The following NLRP8 variants were observed in gnomAD, a reference collection of about 807,000 sequenced individuals.
NLRP8 encodes the protein NLR family pyrin domain containing 8, also known as NACHT, LRR and PYD domains-containing protein 8.
In NLRP8, 86 loss-of-function variants were observed where a neutral mutation model predicts 88.7. The ratio of observed to expected loss-of-function variants is 0.97; its 90% CI spans 0.81 to 1.16. The LOEUF (loss-of-function observed/expected upper bound fraction) is 1.16. NLRP8 is among the 50% of genes most tolerant of loss of function. The pLI is 0.00. For missense variants in NLRP8, 1,342 were observed against 1,286.5 expected (o/e 1.04, Z -0.66); for synonymous variants, 504 against 494.6 (o/e 1.02, Z -0.25).
rs1261053280 is a variant in NLRP8, at chr19:55,947,985, C to T, written c.83C>T (p.Thr28Ile). 1.9e-6 allele frequency: 3 copies of T among 1,614,116 alleles called. No homozygotes were observed. Among genetic ancestry groups the T allele is most frequent in the African/African-American group, 1.3e-5 (1 of 75,008 alleles). Residue 28 changes from threonine to isoleucine, a missense_variant, in exon 1 of 10, where the codon ACA becomes ATA. Transcript: ENST00000291971. ...CACAGTTCTCATATTCCGCCCTGGA[C>T]ATTCTCTTGCTACCCCGGCTCCCCA...
At chr19:55,950,995 T>C (rs1046399577) in intron 1 of NLRP8, among the ~76,000 whole-genome samples, 3 of 152,096 alleles carry the variant, frequency 2.0e-5, no homozygotes, top group Non-Finnish European at 4.4e-5. Context: ...GAAGAATCGC[T>C]TGAACCCAGG....
rs1220476284 is a variant in NLRP8, at chr19:55,973,702, G to C, written c.2585G>C (p.Cys862Ser). 4.3e-6 allele frequency: 7 copies of C among 1,613,902 alleles called. No individual in the cohort carries two copies. Among genetic ancestry groups the C allele is most frequent in the East Asian group, 4.5e-5 (2 of 44,868 alleles). Residue 862 changes from cysteine (C) to serine (S), a missense_variant, in exon 7 of 10, where the codon TGT becomes TCT. Cys to Ser is a moderately radical substitution (Grantham distance 112). Transcript: ENST00000291971. ...CTTACTTGTGAAAGCCTTGCCTCCTGTCTCAGGCAGAGTAAGATGCTGACC... is the reference window on the plus strand; with the variant it reads ...CTTACTTGTGAAAGCCTTGCCTCCTCTCTCAGGCAGAGTAAGATGCTGACC...
At position 55,962,255 on chromosome 19, in the gene NLRP8, C is replaced by T. The variant is rs747215527; in HGVS notation, c.2213+18C>T. 4 of 1,606,348 alleles carry T rather than the reference C, an allele frequency of 2.5e-6. No homozygotes were observed. In the Admixed American group the frequency reaches 6.8e-5, roughly 27 times the overall value. On this transcript the variant is annotated intron_variant, in intron 4 of 9. Coordinates refer to ENST00000291971, the MANE Select transcript of NLRP8 (RefSeq NM_176811.2). ...AAGCTACTGTGAGTATAACACAAAT[C>T]CCACTGGAAGGAACTTTATGGAGAT...
rs1979641697 is a variant in NLRP8 at position 55,962,164 on chromosome 19, G to A, written c.2140G>A (p.Val714Ile). The A allele has an allele frequency of 1.2e-6, 2 of 1,614,084 alleles. No homozygotes were observed. Among genetic ancestry groups the A allele is most frequent in the Middle Eastern group, 1.6e-4 (1 of 6,084 alleles). ...GGAAGTCCTGACTATGACCAACAGT[G>A]TTTTGGGGCCTCCTTTTTTGAAGGC... is the stretch of plus-strand genomic sequence containing the variant. The change falls in exon 4 of 10, where the codon GTT (valine) becomes ATT (isoleucine). Residue 714 changes from valine to isoleucine, a missense_variant. By Grantham distance (29) the Val-to-Ile change is conservative. Transcript: ENST00000291971.
At chr19:55,962,433 G>A (rs61462346) in intron 4 of NLRP8, among the ~76,000 whole-genome samples, 196 bp downstream of exon 4, 1 of 152,194 alleles carries the variant, frequency 6.6e-6, no homozygotes, top group Non-Finnish European at 1.5e-5. Context: ...CTGACGGCTC[G>A]ATCTGTCTCT....
chr19:55,965,777 G>C (rs1483122213), intron 4 of NLRP8, among the ~76,000 whole-genome samples: 1 of 151,982 alleles, frequency 6.6e-6, no homozygotes, highest in African/African-American at 2.4e-5. Context: ...TCTACGTTAG[G>C]TATTTCTCCT....
In NLRP8 at chr19:55,979,432, C is replaced by T; in HGVS notation, c.2915C>T (p.Ala972Val). The stretch of plus-strand genomic sequence containing the variant: ...CTGTTCACCTCCATCTGCTGCCAGG[C>T]CATGGCTTCCATGCTCCGCAAAAAC... The change falls in exon 9 of 10, where the codon GCC becomes GTC. Residue 972 changes from alanine to valine, a missense_variant. Ala to Val is a moderately conservative substitution (Grantham distance 64, BLOSUM62 0). Coordinates refer to ENST00000291971, the MANE Select transcript of NLRP8 (RefSeq NM_176811.2). 1.2e-6 allele frequency: 2 copies of T among 1,614,116 alleles called. No individual in the cohort carries two copies. The highest frequency in any genetic ancestry group is 1.7e-6 in the Non-Finnish European group (2 of 1,180,028).
chr19:55,977,546 AATTAT>A (rs1600315595), intron 8 of NLRP8, among the ~76,000 whole-genome samples: 1 of 146,048 alleles, frequency 6.8e-6, no homozygotes, highest in East Asian at 2.0e-4. Context: ...AATATATATT[AATTAT>A]ATTAATATAT....
At position 55,975,675 on chromosome 19, in the gene NLRP8, C is replaced by T. The variant is rs190680401; in HGVS notation, c.2706-458C>T. ...ATTATGGTAGATAAAAGAAGCTAAACGCAAAAAGTCACATATTACATGATT... is the reference window on the plus strand; with the variant it reads ...ATTATGGTAGATAAAAGAAGCTAAATGCAAAAAGTCACATATTACATGATT... On this transcript the variant is annotated intron_variant, in intron 7 of 9. Coordinates refer to ENST00000291971, the MANE Select transcript of NLRP8 (RefSeq NM_176811.2). Among the ~76,000 whole-genome samples the T allele has an allele frequency of 2.1e-3, 322 of 152,138 alleles. 1 individual carries two copies. The highest frequency in any genetic ancestry group is 7.2e-3 in the African/African-American group (297 of 41,506).
intron 3 of NLRP8, among the ~76,000 whole-genome samples, chr19:55,961,586 G>C (rs570136389): frequency 9.2e-4 from 140 of 152,220 alleles, no homozygotes; most frequent in Non-Finnish European, 1.4e-3. Flanking sequence ...AGGAGCGCTT[G>C]AGCCCAGGAA....
chr19:55,974,849 A>G (rs1980239106), intron 7 of NLRP8, among the ~76,000 whole-genome samples: 1 of 151,756 alleles, frequency 6.6e-6, no homozygotes, highest in South Asian at 2.1e-4. Context: ...TCTGTGCCCT[A>G]GCTGTCTTAT....
At chr19:55,948,758 A>G (rs1978966726) in intron 1 of NLRP8, among the ~76,000 whole-genome samples, 1 of 152,176 alleles carries the variant, frequency 6.6e-6, no homozygotes, top group Admixed American at 6.6e-5. Context: ...TATTTTTTAA[A>G]AACTTAACTG....
rs1441938414 is a variant in NLRP8, at chr19:55,966,498, T to G, written c.2381+118T>G. The G allele has an allele frequency of 2.9e-6, 3 of 1,023,576 alleles. No homozygotes were observed. The Admixed American group carries it at 7.9e-5, about 27-fold the overall frequency. 63.4% of individuals were successfully genotyped at this position (1,023,576 alleles called of 1,614,324 possible). A position where few individuals can be genotyped will look rare whatever the true frequency, so the allele number is the denominator to read the frequency against. The stretch of plus-strand genomic sequence containing the variant: ...TTCCTTTGATCTGCTGTTGGCTTTG[T>G]TCAACTTTAAAAGTACAATTTGGGC... On this transcript the variant is annotated intron_variant, in intron 5 of 9. Transcript: ENST00000291971.
intron 3 of NLRP8, among the ~76,000 whole-genome samples, chr19:55,959,234 C>T (rs376986007): frequency 4.7e-5 from 7 of 148,420 alleles, no homozygotes; most frequent in African/African-American, 1.7e-4. Context: ...TGTTTTGAGA[C>T]AGAGTCTTGC....
intron 9 of NLRP8, 94 bp downstream of exon 9, chr19:55,979,658 C>A: frequency 7.4e-7 from 1 of 1,346,218 alleles, no homozygotes; most frequent in Non-Finnish European, 1.0e-6. Context: ...GTGGTGCATG[C>A]CTGTAATCCC....
At position 55,955,075 on chromosome 19, in the gene NLRP8, G is replaced by C. The variant is rs1408935891; in HGVS notation, c.1017G>C (p.Trp339Cys). 5 of 1,613,940 alleles carry C rather than the reference G, an allele frequency of 3.1e-6. No homozygotes were observed. The highest frequency in any genetic ancestry group is 3.4e-6 in the Non-Finnish European group (4 of 1,179,992). ...TGATCATGATAAGATTTACCTCTTG[G>C]CAGACATGCAAGCCCTTGCTGAAAT... The change falls in exon 3 of 10, where the codon TGG becomes TGC. Residue 339 changes from tryptophan to cysteine, a missense_variant. Trp to Cys is a radical substitution (Grantham distance 215, BLOSUM62 -2). Transcript: ENST00000291971.
chr19:55,954,736 G>T lies in NLRP8; in HGVS notation c.678G>T (p.Glu226Asp). 1 of 1,614,194 alleles carries T rather than the reference G, an allele frequency of 6.2e-7. No homozygotes were observed. Among genetic ancestry groups the T allele is most frequent in the South Asian group, 1.1e-5 (1 of 91,084 alleles). The change falls in exon 3 of 10, where the codon GAG becomes GAT. Residue 226 changes from glutamate (E) to aspartate (D), a missense_variant. Glu to Asp is a conservative substitution (Grantham distance 45, BLOSUM62 2). Transcript: ENST00000291971. ...TCCTGGCCAAAAAGGTGATGTTTGA[G>T]TGGGCCAGAAACAAGTTCTACGCCC...
Position 55,954,838 on chromosome 19 carries a change from T to C in NLRP8, c.780T>C (p.Ile260=). Reference sequence around the variant, plus strand: ...CAGACCAGAGCTTCTCCGAGCTGATTGAGCAAAAGTGGCCTGGATCTCAGG... The same window carrying C: ...CAGACCAGAGCTTCTCCGAGCTGATCGAGCAAAAGTGGCCTGGATCTCAGG... Residue 260 remains isoleucine (I), a synonymous_variant, in exon 3 of 10, where the codon ATT becomes ATC. Transcript: ENST00000291971. The C allele has an allele frequency of 2.5e-6, 4 of 1,614,186 alleles. No homozygotes were observed. The highest frequency in any genetic ancestry group is 3.4e-6 in the Non-Finnish European group (4 of 1,180,040).
At chr19:55,950,048 G>A (rs1245854713) in intron 1 of NLRP8, among the ~76,000 whole-genome samples, 5 of 152,088 alleles carry the variant, frequency 3.3e-5, no homozygotes, top group Admixed American at 6.6e-5. Flanking sequence ...TGGAAACCCC[G>A]TGACCCAGTG....
Sources: gnomAD v4.1 joint callset for allele counts (sites outside exome capture counted in the v4.1 genomes callset) on GRCh38, gnomAD v4.1.1 for gene constraint, MANE v1.5 for transcripts, NCBI Gene and HGNC (gene_info 2026-07-23, HGNC 2026-07-21) for gene names.